The following ANKRD30B variants were observed in gnomAD, a reference collection of about 807,000 sequenced individuals.
ANKRD30B encodes the protein ankyrin repeat domain-containing protein 30B.
A neutral mutation model predicts 202.2 loss-of-function variants in ANKRD30B; 144 were observed. That is an observed-to-expected ratio of 0.71 (90% CI 0.62 to 0.82). The LOEUF (loss-of-function observed/expected upper bound fraction) is 0.82. ANKRD30B is among the 40% of genes least tolerant of loss of function. ANKRD30B has a pLI of 0.00. For missense variants in ANKRD30B, 1,487 were observed against 1,669.1 expected (o/e 0.89, Z 1.90); for synonymous variants, 508 against 561.3 (o/e 0.91, Z 1.34).
At chr18:14,922,351 A>G in the ANKRD30B span, among the ~76,000 whole-genome samples, 2 of 152,154 alleles carry the variant, frequency 1.3e-5, no homozygotes, top group Non-Finnish European at 2.9e-5. Context: ...GGGGCACTAC[A>G]TAAACTTGAA....
the ANKRD30B span, among the ~76,000 whole-genome samples, chr18:14,878,873 T>C: frequency 2.0e-5 from 3 of 152,140 alleles, no homozygotes; most frequent in East Asian, 5.8e-4. Context: ...TGCCCAGCAA[T>C]AGAGGGCATT....
At chr18:14,831,883 A>C (rs771049870) in intron 34 of ANKRD30B, among the ~76,000 whole-genome samples, 2 of 152,182 alleles carry the variant, frequency 1.3e-5, no homozygotes, top group Non-Finnish European at 2.9e-5. Flanking sequence ...ATTATCTTTA[A>C]TGGATCCAGT....
Position 14,763,901 on chromosome 18 carries a change from A to G in ANKRD30B, c.1036A>G (p.Thr346Ala), listed in dbSNP as rs1334073536. The G allele has an allele frequency of 6.2e-7, 1 of 1,612,080 alleles. No individual in the cohort carries two copies. The highest frequency in any genetic ancestry group is 2.2e-5 in the East Asian group (1 of 44,788). The change falls in exon 7 of 44, where the codon ACA (threonine) becomes GCA (alanine). Residue 346 changes from threonine (T) to alanine (A), a missense_variant. Coordinates refer to ENST00000690538, the MANE Select transcript of ANKRD30B (RefSeq NM_001367607.2). ...PRKILRPTKE[T>A]SEKFSWPAKE... The stretch of plus-strand genomic sequence containing the variant: ...GAAAATTTTGAGGCCTACAAAAGAA[A>G]CATCTGAGAAATTTTCATGGCCAGC...
the ANKRD30B span, among the ~76,000 whole-genome samples, chr18:14,906,699 A>G: frequency 2.0e-5 from 3 of 152,184 alleles, no homozygotes; most frequent in Non-Finnish European, 1.5e-5. Flanking sequence ...GATGAAAAGA[A>G]CCAAATTCTA....
the ANKRD30B span, among the ~76,000 whole-genome samples, chr18:14,874,474 A>T: frequency 6.6e-6 from 1 of 152,218 alleles, no homozygotes; most frequent in Non-Finnish European, 1.5e-5. Context: ...GTGTAATACA[A>T]TTTGTATGAA....
chr18:14,889,168 ATTC>A, the ANKRD30B span, among the ~76,000 whole-genome samples: 8 of 151,656 alleles, frequency 5.3e-5, no homozygotes, highest in African/African-American at 1.9e-4. Context: ...CATGTCAACT[ATTC>A]TTTAAAATTA....
the ANKRD30B span, chr18:14,889,839 TC>T: frequency 2.7e-6 from 1 of 368,878 alleles, no homozygotes; most frequent in Non-Finnish European, 4.9e-6. Flanking sequence ...AAACATTTTT[TC>T]TTAACGTTTG....
At chr18:14,749,879 A>G (rs1913151068) in intron 1 of ANKRD30B, among the ~76,000 whole-genome samples, 1 of 151,902 alleles carries the variant, frequency 6.6e-6, no homozygotes, top group East Asian at 1.9e-4. Flanking sequence ...TTATTAGGAA[A>G]AGAATTAGTT....
rs1968038509 is a variant in ANKRD30B, at chr18:14,785,741, A to G, written c.1672+1206A>G. Among the ~76,000 whole-genome samples, 6 of 152,146 alleles carry G rather than the reference A, an allele frequency of 3.9e-5. No homozygotes were observed. The South Asian group carries it at 1.2e-3, about 31-fold the overall frequency. On this transcript the variant is annotated intron_variant, in intron 14 of 43. Transcript: ENST00000690538. ...CTTGGACCCTCTGCATGAAATGTGA[A>G]CATCAGGGATGCTGAGATCACAGGT...
chr18:14,936,575 G>C, the ANKRD30B span, among the ~76,000 whole-genome samples: 1 of 152,312 alleles, frequency 6.6e-6, no homozygotes, highest in East Asian at 1.9e-4. Flanking sequence ...AATTAGAAAT[G>C]ATAGTCCTTG....
the ANKRD30B span, among the ~76,000 whole-genome samples, chr18:14,897,162 C>T: frequency 1.3e-5 from 2 of 151,986 alleles, no homozygotes; most frequent in Admixed American, 1.3e-4. Context: ...ATTCAAACGT[C>T]GTGTTCAGAA....
intron 16 of ANKRD30B, 76 bp from the exon 17 acceptor site, chr18:14,796,145 A>G: frequency 7.1e-7 from 1 of 1,401,194 alleles, no homozygotes; most frequent in Non-Finnish European, 1.0e-6. Context: ...TCATCTTCAT[A>G]TTCACATTGT....
intron 16 of ANKRD30B, among the ~76,000 whole-genome samples, chr18:14,795,319 C>T (rs1377940198): frequency 6.6e-6 from 1 of 152,186 alleles, no homozygotes; most frequent in Non-Finnish European, 1.5e-5. Flanking sequence ...AGCTCCGGCT[C>T]CCAAGTAGCT....
At chr18:14,793,292 T>C (rs1157886897) in intron 16 of ANKRD30B, among the ~76,000 whole-genome samples, 1 of 152,142 alleles carries the variant, frequency 6.6e-6, no homozygotes, top group Non-Finnish European at 1.5e-5. Flanking sequence ...ATCCGAACTG[T>C]GTACTTTCTC....
At chr18:14,842,166 C>T (rs1971444867) in intron 37 of ANKRD30B, among the ~76,000 whole-genome samples, 1 of 151,818 alleles carries the variant, frequency 6.6e-6, no homozygotes, top group Admixed American at 6.6e-5. Flanking sequence ...AGTATGTTGC[C>T]ATAAATTTTC....
the ANKRD30B span, among the ~76,000 whole-genome samples, chr18:14,933,909 C>T: frequency 6.6e-6 from 1 of 152,188 alleles, no homozygotes; most frequent in Non-Finnish European, 1.5e-5. Flanking sequence ...GGTCTTGGCC[C>T]TGTCTCCTCT....
chr18:14,767,815 C>G (rs1318873248), intron 7 of ANKRD30B, among the ~76,000 whole-genome samples: 1 of 152,176 alleles, frequency 6.6e-6, no homozygotes, highest in Non-Finnish European at 1.5e-5. Context: ...TTATTTAGAA[C>G]TTATGACTTG....
the ANKRD30B span, among the ~76,000 whole-genome samples, chr18:14,919,921 T>G: frequency 6.6e-6 from 1 of 152,196 alleles, no homozygotes. Context: ...AAGTCCAGGC[T>G]TCTGTGCTGG....
chr18:14,833,156 C>T lies in ANKRD30B; in HGVS notation c.2847+1701C>T, dbSNP rs559773733. Among the ~76,000 whole-genome samples, 10 of 151,234 alleles carry T rather than the reference C, an allele frequency of 6.6e-5. No homozygotes were observed. The South Asian group carries it at 1.3e-3, about 19-fold the overall frequency. On this transcript the variant is annotated intron_variant, in intron 34 of 43. Coordinates refer to ENST00000690538, the MANE Select transcript of ANKRD30B (RefSeq NM_001367607.2). Reference sequence around the variant, plus strand: ...GTCACCATGTTGCCCAGGATGGTGTCGATCTCTTCACCTCGTGATCTGCCC... The same window carrying T: ...GTCACCATGTTGCCCAGGATGGTGTTGATCTCTTCACCTCGTGATCTGCCC...
Sources: allele counts gnomAD v4.1 joint callset (sites outside exome capture counted in the v4.1 genomes callset), GRCh38; gene constraint gnomAD v4.1.1; transcripts MANE v1.5; gene names NCBI Gene and HGNC (gene_info 2026-07-23, HGNC 2026-07-21).